Variants in GNG4 observed in about 807,000 individuals in gnomAD.
GNG4 encodes the protein guanine nucleotide-binding protein G(I)/G(S)/G(O) subunit gamma-4.
GNG4 carries 4 observed loss-of-function variants against 5.8 expected under a neutral mutation model. The ratio of observed to expected loss-of-function variants is 0.69; its 90% CI spans 0.34 to 1.57. The LOEUF (loss-of-function observed/expected upper bound fraction) is 1.57, where lower values mean the gene tolerates loss of function less well. Ranked by LOEUF, GNG4 falls within the 40% of genes most tolerant of loss-of-function variation. The pLI, the probability that GNG4 is intolerant of heterozygous loss-of-function variation, is 0.06. For synonymous variants in GNG4, 29 were observed against 32.9 expected (o/e 0.88, Z 0.41); for missense variants, 96 against 95.1 (o/e 1.01, Z -0.04).
intron 3 of GNG4, chr1:235,565,870 G>A (rs1284756418): frequency 1.3e-5 from 2 of 152,162 alleles, no homozygotes; most frequent in East Asian, 3.8e-4. Context: ...TCTTTTTGGG[G>A]CAGCTGCTGA....
chr1:235,551,697 G>A lies in GNG4; in HGVS notation c.*412C>T. On this transcript the variant is annotated 3_prime_UTR_variant, in exon 4 of 4. Transcript: ENST00000391854. ...GATGAAAACGTTATATGTTTCAGTT[G>A]GTCAAAATGCTCTAATTTGATACTG... is the stretch of plus-strand genomic sequence containing the variant. 6.5e-6 allele frequency: 1 copy of A among 154,408 alleles called. No homozygotes were observed. The highest frequency in any genetic ancestry group is 1.4e-5 in the Non-Finnish European group (1 of 69,646). The allele number at this position is 154,408 out of a possible 1,614,324, so 9.6% of individuals were successfully genotyped here. A position where few individuals can be genotyped will look rare whatever the true frequency, so the allele number is the denominator to read the frequency against.
chr1:235,609,114 T>C (rs1414305687), intron 1 of GNG4, among the ~76,000 whole-genome samples: 3 of 152,342 alleles, frequency 2.0e-5, no homozygotes, highest in East Asian at 3.9e-4. Flanking sequence ...ATTGTAGGCA[T>C]GAGCCACCGC....
At chr1:235,562,808 T>C (rs2102919369) in intron 3 of GNG4, among the ~76,000 whole-genome samples, 1 of 152,242 alleles carries the variant, frequency 6.6e-6, no homozygotes, top group South Asian at 2.1e-4. Context: ...TCTCCATTTA[T>C]TTAGATGTTT....
At chr1:235,612,198 T>C (rs1490638683) in intron 1 of GNG4, among the ~76,000 whole-genome samples, 1 of 151,956 alleles carries the variant, frequency 6.6e-6, no homozygotes, top group African/African-American at 2.4e-5. Flanking sequence ...ACGTCGAAGA[T>C]TGACTAGACA....
At chr1:235,596,209 TACACACACACACAC>T (rs59527448) in intron 1 of GNG4, among the ~76,000 whole-genome samples, 83 of 133,572 alleles carry the variant, frequency 6.2e-4, no homozygotes, top group Non-Finnish European at 1.2e-3. Context: ...ACAAACAAAA[TACACACACACACAC>T]ACACACACAC....
chr1:235,577,975 G>A (rs1363649378), intron 3 of GNG4, among the ~76,000 whole-genome samples: 2 of 152,048 alleles, frequency 1.3e-5, no homozygotes, highest in African/African-American at 4.8e-5. Flanking sequence ...CGAGGTCATC[G>A]GGAGTGTCCT....
intron 3 of GNG4, among the ~76,000 whole-genome samples, chr1:235,577,956 G>A (rs1687527664): frequency 6.6e-6 from 1 of 152,088 alleles, no homozygotes; most frequent in Admixed American, 6.6e-5. Context: ...CCCTCCTCAA[G>A]GTCCTTGACG....
chr1:235,580,754 T>TG (rs1334332608), intron 3 of GNG4, among the ~76,000 whole-genome samples: 4 of 147,520 alleles, frequency 2.7e-5, no homozygotes, highest in South Asian at 2.2e-4. Context: ...TTGTTTTTTT[T>TG]TTTTTTTTTT....
intron 1 of GNG4, among the ~76,000 whole-genome samples, chr1:235,614,133 T>G (rs1252175311): frequency 6.6e-6 from 1 of 152,224 alleles, no homozygotes; most frequent in Non-Finnish European, 1.5e-5. Context: ...ATTTCTTCTG[T>G]GTGATCTTTG....
At chr1:235,568,048 C>T (rs1245344023) in intron 3 of GNG4, among the ~76,000 whole-genome samples, 1 of 152,212 alleles carries the variant, frequency 6.6e-6, no homozygotes, top group African/African-American at 2.4e-5. Context: ...CCCCCTCCAG[C>T]ATGACCCTAT....
rs1558470014 is a variant in GNG4, at chr1:235,552,242, G to A, written c.100-5C>T. On this transcript the variant is annotated splice_polypyrimidine_tract_variant and splice_region_variant and intron_variant, in intron 3 of 3. Coordinates refer to ENST00000391854, the MANE Select transcript of GNG4 (RefSeq NM_001098722.2). ...GTCCGCAGCTGCCTGGGAGACCTGTGAGGGCACAGAGCACAGGTGCTCAGT... is the reference window on the plus strand; with the variant it reads ...GTCCGCAGCTGCCTGGGAGACCTGTAAGGGCACAGAGCACAGGTGCTCAGT... 1.2e-6 allele frequency: 2 copies of A among 1,613,624 alleles called. No homozygotes were observed. The highest frequency in any genetic ancestry group is 2.2e-5 in the East Asian group (1 of 44,892).
chr1:235,577,980 T>C (rs1036780940), intron 3 of GNG4, among the ~76,000 whole-genome samples: 3 of 152,036 alleles, frequency 2.0e-5, no homozygotes, highest in Admixed American at 1.3e-4. Flanking sequence ...TCATCGGGAG[T>C]GTCCTTGACA....
intron 1 of GNG4, among the ~76,000 whole-genome samples, chr1:235,616,779 C>T (rs962945278): frequency 6.6e-6 from 1 of 152,082 alleles, no homozygotes; most frequent in African/African-American, 2.4e-5. Context: ...TGCTCTGTCA[C>T]CCAGGCCGGA....
chr1:235,599,601 G>T (rs990247767), intron 1 of GNG4, among the ~76,000 whole-genome samples: 1 of 152,042 alleles, frequency 6.6e-6, no homozygotes. Context: ...CATGTGTGAG[G>T]CATTGCACCC....
At chr1:235,617,477 A>G (rs960258444) in intron 1 of GNG4, among the ~76,000 whole-genome samples, 2 of 152,154 alleles carry the variant, frequency 1.3e-5, no homozygotes, top group African/African-American at 4.8e-5. Context: ...GAGGTAATGT[A>G]GCTTCCTGGA....
At chr1:235,626,143 G>C (rs73120801) in intron 1 of GNG4, among the ~76,000 whole-genome samples, 7,690 of 152,172 alleles carry the variant, frequency 0.051, 631 homozygotes, top group African/African-American at 0.17. Flanking sequence ...GTGTGTAGTG[G>C]TTTCTCCTCC....
chr1:235,609,129 G>T (rs1236793688), intron 1 of GNG4, among the ~76,000 whole-genome samples: 1 of 152,134 alleles, frequency 6.6e-6, no homozygotes, highest in Non-Finnish European at 1.5e-5. Context: ...CACCGCACCT[G>T]GCCAGCTTTT....
At position 235,551,933 on chromosome 1, in the gene GNG4, G is replaced by GA. The variant is rs1026496821; in HGVS notation, c.*175dup. ...ATGAAAATAACATGAAAATGAAAAG[G>GA]AAAAAAATGAAATTGAATGCCACGA... On this transcript the variant is annotated 3_prime_UTR_variant, in exon 4 of 4. Transcript: ENST00000391854. 7.7e-6 allele frequency: 4 copies of GA among 519,972 alleles called. No homozygotes were observed. Among genetic ancestry groups the GA allele is most frequent in the African/African-American group, 7.6e-5 (4 of 52,412 alleles). 32.2% of individuals were successfully genotyped at this position (519,972 alleles called of 1,614,324 possible).
chr1:235,615,697 A>G (rs1688574362), intron 1 of GNG4: 3 of 228,740 alleles, frequency 1.3e-5, no homozygotes, highest in Non-Finnish European at 2.8e-5. Flanking sequence ...TGAACATCAC[A>G]TAGACATAGC....
Sources: allele counts gnomAD v4.1 joint callset (sites outside exome capture counted in the v4.1 genomes callset), GRCh38; gene constraint gnomAD v4.1.1; transcripts MANE v1.5; gene names NCBI Gene and HGNC (gene_info 2026-07-23, HGNC 2026-07-21).